Variants in CERS3 observed in about 807,000 individuals in gnomAD.
CERS3 encodes ceramide synthase 3.
CERS3 carries 33 observed loss-of-function variants against 50.3 expected under a neutral mutation model. The ratio of observed to expected loss-of-function variants is 0.66; its 90% CI spans 0.50 to 0.88. The LOEUF (loss-of-function observed/expected upper bound fraction) is 0.88, where lower values mean the gene tolerates loss of function less well. Among genes scored for constraint, CERS3 ranks in the 40% least tolerant of loss-of-function variants. The probability of loss-of-function intolerance (pLI) is 0.00; values close to 1 mark genes in which losing one functional copy is unlikely to be tolerated. For missense variants in CERS3, 470 were observed against 460.3 expected, an observed-to-expected ratio of 1.02 and a Z score of -0.19; for synonymous variants, 176 against 155.2, an observed-to-expected ratio of 1.13 and a Z score of -0.99.
chr15:100,534,988 A>C (rs1460178949), intron 1 of CERS3, among the ~76,000 whole-genome samples: 1 of 151,970 alleles, frequency 6.6e-6, no homozygotes, highest in Non-Finnish European at 1.5e-5. Context: ...ACCTTTCCAG[A>C]CTGAACCAAT....
intron 11 of CERS3, among the ~76,000 whole-genome samples, chr15:100,427,812 C>T (rs951048428): frequency 3.3e-5 from 5 of 152,196 alleles, no homozygotes; most frequent in Admixed American, 6.5e-5. Flanking sequence ...TTGTGTAGCT[C>T]AAACTCAGAT....
chr15:100,403,038 A>G (rs1047725876), intron 11 of CERS3, among the ~76,000 whole-genome samples, 173 bp from the exon 12 acceptor site: 41 of 152,330 alleles, frequency 2.7e-4, no homozygotes, highest in African/African-American at 9.6e-4. Flanking sequence ...ACCTTAACAA[A>G]CCTAAATAAT....
intron 2 of CERS3, among the ~76,000 whole-genome samples, chr15:100,504,834 A>G (rs2036129585): frequency 6.6e-6 from 1 of 152,212 alleles, no homozygotes; most frequent in African/African-American, 2.4e-5. Context: ...TGAGGACTCA[A>G]GCTTGGTTGC....
At chr15:100,482,672 A>G (rs1428736567) in intron 5 of CERS3, among the ~76,000 whole-genome samples, 1 of 152,124 alleles carries the variant, frequency 6.6e-6, no homozygotes, top group East Asian at 1.9e-4. Flanking sequence ...CACAAGGGTC[A>G]CCATGAGAGA....
intron 11 of CERS3, among the ~76,000 whole-genome samples, chr15:100,439,724 C>A (rs531285723): frequency 6.6e-6 from 1 of 152,204 alleles, no homozygotes; most frequent in East Asian, 1.9e-4. Context: ...GGAGGCTTTA[C>A]GGCTTTGGAG....
intron 11 of CERS3, among the ~76,000 whole-genome samples, chr15:100,423,478 T>C (rs948501942): frequency 2.0e-5 from 3 of 152,144 alleles, no homozygotes; most frequent in Non-Finnish European, 2.9e-5. Context: ...ACAACATGGA[T>C]GCAGCTGGAG....
intron 10 of CERS3, among the ~76,000 whole-genome samples, chr15:100,465,294 T>A (rs1001255320): frequency 1.3e-5 from 2 of 152,060 alleles, no homozygotes; most frequent in Non-Finnish European, 2.9e-5. Context: ...CATAGTAAAA[T>A]CCCAGTACAT....
At chr15:100,525,659 C>T (rs1279721933) in intron 1 of CERS3, among the ~76,000 whole-genome samples, 3 of 152,190 alleles carry the variant, frequency 2.0e-5, no homozygotes, top group Admixed American at 2.0e-4. Context: ...TCTCTCCGTT[C>T]ACTTGCCAAT....
chr15:100,470,973 T>A (rs537992967), intron 9 of CERS3, among the ~76,000 whole-genome samples: 2 of 152,300 alleles, frequency 1.3e-5, no homozygotes, highest in East Asian at 3.9e-4. Flanking sequence ...AGAACTTGAT[T>A]GTGAAAACAA....
intron 3 of CERS3, among the ~76,000 whole-genome samples, chr15:100,496,959 CA>C (rs2035833990): frequency 6.6e-6 from 1 of 152,056 alleles, no homozygotes; most frequent in African/African-American, 2.4e-5. Flanking sequence ...CCCTAAATTT[CA>C]GAGACATATA....
At chr15:100,408,187 A>C (rs1488882933) in intron 11 of CERS3, among the ~76,000 whole-genome samples, 1 of 152,206 alleles carries the variant, frequency 6.6e-6, no homozygotes, top group African/African-American at 2.4e-5. Flanking sequence ...TATATGAGGC[A>C]CTTGAGCATC....
chr15:100,470,357 G>A (rs573706884), intron 9 of CERS3, among the ~76,000 whole-genome samples: 37 of 152,330 alleles, frequency 2.4e-4, no homozygotes, highest in African/African-American at 7.7e-4. Context: ...AAGGGTTCAC[G>A]TGGCATCTTT....
intron 2 of CERS3, among the ~76,000 whole-genome samples, chr15:100,504,714 G>A (rs2142339481): frequency 6.6e-6 from 1 of 152,260 alleles, no homozygotes; most frequent in South Asian, 2.1e-4. Flanking sequence ...GTGAAGGGGT[G>A]ACCACGGACT....
Position 100,402,530 on chromosome 15 carries a change from C to T in CERS3, c.*183G>A. 1.7e-6 allele frequency: 1 copy of T among 598,586 alleles called. No homozygotes were observed. The highest frequency in any genetic ancestry group is 2.9e-6 in the Non-Finnish European group (1 of 344,248). 37.1% of individuals were successfully genotyped at this position (598,586 alleles called of 1,614,324 possible). On this transcript the variant is annotated 3_prime_UTR_variant, in exon 12 of 12. Transcript: ENST00000679737. ...CCTAACTGCAGTAAAAATCCATGGG[C>T]ATGCTTATATTTAACATTTTAACAC...
chr15:100,517,703 G>A (rs1336198060), intron 2 of CERS3, among the ~76,000 whole-genome samples: 1 of 152,100 alleles, frequency 6.6e-6, no homozygotes, highest in Admixed American at 6.5e-5. Flanking sequence ...TTGCAGGCAG[G>A]GTTTCCTGTT....
chr15:100,495,916 A>C (rs1459347265), intron 3 of CERS3, among the ~76,000 whole-genome samples: 1 of 152,184 alleles, frequency 6.6e-6, no homozygotes, highest in African/African-American at 2.4e-5. Context: ...ATTCATGTCT[A>C]TTGTTAATCT....
At chr15:100,524,265 T>C (rs1341138202) in intron 1 of CERS3, among the ~76,000 whole-genome samples, 1 of 152,202 alleles carries the variant, frequency 6.6e-6, no homozygotes, top group Non-Finnish European at 1.5e-5. Context: ...TGTGTGTGTA[T>C]ATATGTCCTA....
rs11857040 is a variant in CERS3 at position 100,445,712 on chromosome 15, A to G, written c.999+10181T>C. 1.8e-3 allele frequency among the ~76,000 whole-genome samples: 277 copies of G among 152,236 alleles called. 2 individuals carry two copies. Among genetic ancestry groups the G allele is most frequent in the African/African-American group, 5.8e-3 (240 of 41,540 alleles). ...AGCCCTGAGAAACATCGCCCATTAT[A>G]TCTCCATACCATCCCCCAAAATTTT... On this transcript the variant is annotated intron_variant, in intron 11 of 11. Coordinates refer to ENST00000679737, the MANE Select transcript of CERS3 (RefSeq NM_001378789.1).
rs200407745 is a variant in CERS3, at chr15:100,501,824, A to G, written c.26T>C (p.Phe9Ser). MFWTFKEW[F>S]WLERFWLPPT... ...AGGAAGCCAGAATCTTTCCAACCAGAACCATTCTTTAAACGTCCAAAACAT... is the reference window on the plus strand; with the variant it reads ...AGGAAGCCAGAATCTTTCCAACCAGGACCATTCTTTAAACGTCCAAAACAT... The change falls in exon 3 of 12, where the codon TTC becomes TCC. Residue 9 changes from phenylalanine (F) to serine (S), a missense_variant. Phe to Ser is a radical substitution (Grantham distance 155). Coordinates refer to ENST00000679737, the MANE Select transcript of CERS3 (RefSeq NM_001378789.1). The G allele has an allele frequency of 7.8e-5, 126 of 1,614,044 alleles. No individual in the cohort carries two copies. Among genetic ancestry groups the G allele is most frequent in the Admixed American group, 1.7e-5 (1 of 59,998 alleles).
Sources: allele counts gnomAD v4.1 joint callset (sites outside exome capture counted in the v4.1 genomes callset), GRCh38; gene constraint gnomAD v4.1.1; transcripts MANE v1.5; gene names NCBI Gene and HGNC (gene_info 2026-07-23, HGNC 2026-07-21).